WDR4: variants seen among roughly 807,000 people sequenced by gnomAD.
WDR4 encodes the protein WDR4 tRNA N7-guanosine methyltransferase non-catalytic subunit.
In WDR4, 47 loss-of-function variants were observed where a neutral mutation model predicts 48.6. The observed-to-expected ratio is 0.97, with a 90% CI of 0.77 to 1.23. WDR4 has a LOEUF of 1.23. Among genes scored for constraint, WDR4 ranks in the 50% most tolerant of loss-of-function variants. The pLI is 0.00. For synonymous variants in WDR4, 268 were observed against 230.0 expected (o/e 1.17, Z -1.49); for missense variants, 606 against 551.6 (o/e 1.10, Z -0.99).
chr21:42,853,691 G>A lies in WDR4; in HGVS notation c.853C>T (p.Gln285Ter). The A allele has an allele frequency of 6.3e-7, 1 of 1,577,934 alleles. No individual in the cohort carries two copies. Among genetic ancestry groups the A allele is most frequent in the African/African-American group, 1.3e-5 (1 of 74,674 alleles). Residue 285 changes from glutamine to a stop codon, truncating the protein, a stop_gained, in exon 9 of 11, where the codon CAG (glutamine) becomes TAG (stop). Transcript: ENST00000398208. LOFTEE classifies it high-confidence loss of function. ...ARRQQLVYRQ[Q>*]LAFQHQVWDV... ...CACACTTGGTGCTGGAACGCCAGCT[G>A]CTGCCTGTACACCAACTGCTGTCTG... is the stretch of plus-strand genomic sequence containing the variant.
chr21:42,843,693 C>G (rs2057686037), intron 11 of WDR4, among the ~76,000 whole-genome samples: 2 of 152,068 alleles, frequency 1.3e-5, no homozygotes, highest in Middle Eastern at 6.3e-3. Context: ...CCTGCTTTAG[C>G]CTCTCAAATA....
At chr21:42,845,236 A>C (rs370374629), downstream of WDR4, among the ~76,000 whole-genome samples, 22 of 152,370 alleles carry the variant, frequency 1.4e-4, 1 homozygote, top group South Asian at 2.1e-3. Context: ...AGAAACCAGA[A>C]ACAACAACAA....
Position 42,855,127 on chromosome 21 carries a change from C to CAA in WDR4, c.727-503_727-502dup, listed in dbSNP as rs11287027. ...CCTGGGCAAGAGTGGGACTCCATCT[C>CAA]AAAAAAAAAAAAAAAATTTTTTTTA... On this transcript the variant is annotated intron_variant, in intron 7 of 10. Transcript: ENST00000398208. Among the ~76,000 whole-genome samples the CAA allele has an allele frequency of 1.4e-4, 18 of 128,958 alleles. No homozygotes were observed. In the South Asian group the frequency reaches 2.5e-3, roughly 18 times the overall value. 84.6% of individuals were successfully genotyped at this position (128,958 alleles called of 152,430 possible). A position where few individuals can be genotyped will look rare whatever the true frequency, so the allele number is the denominator to read the frequency against.
Position 42,849,571 on chromosome 21 carries a change from T to C in WDR4, c.*478A>G, listed in dbSNP as rs2156315. The C allele has an allele frequency of 0.88, 136,725 of 154,666 alleles. 60,509 individuals are homozygous for C. Among genetic ancestry groups the C allele is most frequent in the African/African-American group, 0.93 (38,615 of 41,578 alleles). 9.6% of individuals were successfully genotyped at this position (154,666 alleles called of 1,614,324 possible). A position where few individuals can be genotyped will look rare whatever the true frequency, so the allele number is the denominator to read the frequency against. The stretch of plus-strand genomic sequence containing the variant: ...GCTGGGGCTGGGGCAGGCTCAAGCA[T>C]TCGTGCTGAGTTTCAACAGCCTGTG... On this transcript the variant is annotated 3_prime_UTR_variant, in exon 11 of 11. Transcript: ENST00000398208.
chr21:42,862,490 C>A lies in WDR4; in HGVS notation c.454-96G>T, dbSNP rs566392545. 17 of 1,187,552 alleles carry A rather than the reference C, an allele frequency of 1.4e-5. No individual in the cohort carries two copies. The African/African-American group carries it at 1.5e-4, about 11-fold the overall frequency. 73.6% of individuals were successfully genotyped at this position (1,187,552 alleles called of 1,614,324 possible). On this transcript the variant is annotated intron_variant, in intron 4 of 10. Transcript: ENST00000398208. This position sits in a 1 kb window ranked among gnomAD's most constrained non-coding sequence, Gnocchi z 4.3. Reference sequence around the variant, plus strand: ...GAAGGCAGGGAAGCTGCAGCCTGGCCGCCAAGAGGATGAGGCCTTCGAGGA... The same window carrying A: ...GAAGGCAGGGAAGCTGCAGCCTGGCAGCCAAGAGGATGAGGCCTTCGAGGA...
chr21:42,883,384 A>G (rs1300368859), upstream of WDR4, among the ~76,000 whole-genome samples: 1 of 152,038 alleles, frequency 6.6e-6, no homozygotes, highest in East Asian at 1.9e-4. Flanking sequence ...AGTTAAAAAA[A>G]AAATTGTGTA....
At chr21:42,873,039 T>C (rs2058407539) in intron 3 of WDR4, among the ~76,000 whole-genome samples, 1 of 152,222 alleles carries the variant, frequency 6.6e-6, no homozygotes, top group Non-Finnish European at 1.5e-5. Context: ...TTGCCAGAGT[T>C]ACTGGCCTCC....
At chr21:42,863,829 G>A (rs1291836294) in intron 3 of WDR4, among the ~76,000 whole-genome samples, 1 of 150,522 alleles carries the variant, frequency 6.6e-6, no homozygotes, top group Non-Finnish European at 1.5e-5. Flanking sequence ...GCTCCTAGCC[G>A]GGCGCAGTGG....
intron 5 of WDR4, among the ~76,000 whole-genome samples, chr21:42,861,805 T>C (rs940371421): frequency 3.3e-5 from 5 of 152,268 alleles, no homozygotes; most frequent in African/African-American, 1.2e-4. Flanking sequence ...ATGAGCTTTT[T>C]GTGTGAGACA....
intron 6 of WDR4, among the ~76,000 whole-genome samples, chr21:42,856,175 A>G (rs944208723): frequency 6.6e-6 from 1 of 152,160 alleles, no homozygotes; most frequent in Non-Finnish European, 1.5e-5. Flanking sequence ...TTCAGCAATC[A>G]TGCATTCCCA....
chr21:42,875,818 T>TA (rs1363669367), intron 2 of WDR4, among the ~76,000 whole-genome samples: 5 of 152,104 alleles, frequency 3.3e-5, no homozygotes, highest in African/African-American at 7.2e-5. Context: ...TAGCTGAAGT[T>TA]AACTTCCTAC....
At chr21:42,870,968 A>G (rs192765658) in intron 3 of WDR4, among the ~76,000 whole-genome samples, 1 of 152,306 alleles carries the variant, frequency 6.6e-6, no homozygotes, top group East Asian at 1.9e-4. Context: ...CACAACTCCT[A>G]TGTTGAAGCC....
chr21:42,889,470 C>T, the WDR4 span, among the ~76,000 whole-genome samples: 2 of 152,162 alleles, frequency 1.3e-5, no homozygotes, highest in African/African-American at 4.8e-5. Context: ...TGTAGCCCTG[C>T]AAGGGTGGCA....
chr21:42,885,034 C>T, the WDR4 span, among the ~76,000 whole-genome samples: 1 of 152,072 alleles, frequency 6.6e-6, no homozygotes, highest in African/African-American at 2.4e-5. Context: ...CCTTGGCTTC[C>T]CAAATTGCTG....
At position 42,853,692 on chromosome 21, in the gene WDR4, C is replaced by A; in HGVS notation, c.852G>T (p.Gln284His). The A allele has an allele frequency of 6.3e-7, 1 of 1,577,786 alleles. No homozygotes were observed. Among genetic ancestry groups the A allele is most frequent in the East Asian group, 2.3e-5 (1 of 43,572 alleles). ...DARRQQLVYR[Q>H]QLAFQHQVWD... ...ACACTTGGTGCTGGAACGCCAGCTG[C>A]TGCCTGTACACCAACTGCTGTCTGC... The change falls in exon 9 of 11, where the codon CAG (glutamine) becomes CAT (histidine). Residue 284 changes from glutamine to histidine, a missense_variant. Transcript: ENST00000398208.
chr21:42,859,754 C>A (rs374164295), intron 5 of WDR4, 32 bp from the exon 6 acceptor site: 4 of 1,551,954 alleles, frequency 2.6e-6, no homozygotes, highest in Admixed American at 2.0e-5. Context: ...GCAGAGTCAG[C>A]GAGCCCAGCG....
the WDR4 span, among the ~76,000 whole-genome samples, chr21:42,892,956 G>A: frequency 3.9e-5 from 6 of 152,258 alleles, no homozygotes; most frequent in Non-Finnish European, 7.3e-5. Context: ...AAGGCTGCGA[G>A]GACAAGGGCA....
intron 1 of WDR4, 79 bp downstream of exon 1, chr21:42,879,328 T>A: frequency 2.6e-6 from 4 of 1,564,992 alleles, no homozygotes; most frequent in Non-Finnish European, 3.5e-6. Context: ...GACCAGGCGG[T>A]GCGGGAGAAG....
chr21:42,860,457 C>CT (rs1274213616), intron 5 of WDR4, among the ~76,000 whole-genome samples: 10 of 152,272 alleles, frequency 6.6e-5, no homozygotes, highest in African/African-American at 2.4e-4. Context: ...TCTTCCCACT[C>CT]TAACACAGTG....
Sources: gnomAD v4.1 joint callset for allele counts (sites outside exome capture counted in the v4.1 genomes callset) on GRCh38, gnomAD v4.1.1 for gene constraint, Gnocchi (gnomAD v3.1) non-coding constraint, MANE v1.5 for transcripts, NCBI Gene and HGNC (gene_info 2026-07-23, HGNC 2026-07-21) for gene names.